The following PCCB variants were observed in gnomAD, a reference collection of about 807,000 sequenced individuals.
PCCB encodes the protein propionyl-CoA carboxylase beta chain, mitochondrial.
In PCCB, 43 loss-of-function variants were observed where a neutral mutation model predicts 60.7. The observed-to-expected ratio is 0.71, with a 90% CI of 0.55 to 0.91. PCCB has a LOEUF of 0.91. Ranked by LOEUF, PCCB falls within the 40% of genes least tolerant of loss-of-function variation. PCCB has a pLI of 0.00. For synonymous variants in PCCB, 276 were observed against 255.9 expected (o/e 1.08, Z -0.75); for missense variants, 766 against 702.8 (o/e 1.09, Z -1.02).
chr3:136,302,774 T>A (rs1455424450), intron 9 of PCCB, among the ~76,000 whole-genome samples: 2 of 115,178 alleles, frequency 1.7e-5, no homozygotes, highest in African/African-American at 5.1e-5. Context: ...AATGTGGTTG[T>A]ATACTGTCTA....
intron 8 of PCCB, among the ~76,000 whole-genome samples, chr3:136,299,646 ATATGCATGTG>A (rs1934131564): frequency 1.8e-5 from 2 of 108,656 alleles, no homozygotes; most frequent in Admixed American, 8.7e-5. Context: ...GTATGTATGT[ATATGCATGTG>A]TATGTATAGG....
In PCCB at chr3:136,290,688, T is replaced by TTTTTTTTTTTG. The variant is rs1553778407; in HGVS notation, c.655-3068_655-3067insTTTTTTTTTTG. Among the ~76,000 whole-genome samples the TTTTTTTTTTTG allele has an allele frequency of 4.8e-4, 70 of 146,280 alleles. 1 individual carries two copies. Among genetic ancestry groups the TTTTTTTTTTTG allele is most frequent in the Non-Finnish European group, 8.1e-4 (54 of 66,698 alleles). On this transcript the variant is annotated intron_variant, in intron 6 of 14. Transcript: ENST00000251654. ...TCTGTGTAGTTTTTTTTTTTTTTTT[T>TTTTTTTTTTTG]GTCATTCATCTTGCTTGATGGTCTC...
chr3:136,328,656 G>GAT, intron 13 of PCCB, 102 bp from the exon 14 acceptor site: 1 of 914,680 alleles, frequency 1.1e-6, no homozygotes, highest in Non-Finnish European at 1.8e-6. Context: ...TCAGTACACT[G>GAT]ATTTACCAAG....
chr3:136,272,453 T>TA (rs1189056737), intron 5 of PCCB, among the ~76,000 whole-genome samples: 35 of 152,164 alleles, frequency 2.3e-4, no homozygotes, highest in African/African-American at 7.7e-4. Flanking sequence ...TTTGAATATC[T>TA]AGTGGAATTC....
At chr3:136,283,781 A>G in intron 5 of PCCB, 56 bp from the exon 6 acceptor site, 1 of 1,200,686 alleles carries the variant, frequency 8.3e-7, no homozygotes, top group South Asian at 1.2e-5. Context: ...ATCTTTCCAC[A>G]GATAATGCCT....
At chr3:136,298,159 T>A in intron 8 of PCCB, 87 bp downstream of exon 8, 1 of 1,557,246 alleles carries the variant, frequency 6.4e-7, no homozygotes. Flanking sequence ...GTCTGCCTTG[T>A]TGGGCAAGTT....
chr3:136,283,759 A>G, intron 5 of PCCB, 78 bp from the exon 6 acceptor site: 1 of 1,011,616 alleles, frequency 9.9e-7, no homozygotes, highest in Non-Finnish European at 1.6e-6. Flanking sequence ...ATGTTATCTT[A>G]TTGTTGTCTT....
intron 10 of PCCB, among the ~76,000 whole-genome samples, chr3:136,318,486 A>G (rs747446469): frequency 1.3e-5 from 2 of 152,238 alleles, no homozygotes; most frequent in East Asian, 1.9e-4. Context: ...AGTGTATGCA[A>G]CCATCACCAC....
At chr3:136,272,264 G>T (rs1376507517) in intron 5 of PCCB, among the ~76,000 whole-genome samples, 1 of 152,102 alleles carries the variant, frequency 6.6e-6, no homozygotes, top group Non-Finnish European at 1.5e-5. Context: ...TGGTTAGCTA[G>T]TATTTTGTTG....
intron 4 of PCCB, 152 bp from the exon 5 acceptor site, chr3:136,261,800 C>T (rs1941833552): frequency 3.0e-6 from 2 of 664,968 alleles, no homozygotes; most frequent in African/African-American, 1.8e-5. Context: ...ATGAAGGTAC[C>T]CAATCGTGAT....
chr3:136,277,919 A>G (rs930689966), intron 5 of PCCB, among the ~76,000 whole-genome samples: 6 of 152,144 alleles, frequency 3.9e-5, no homozygotes, highest in Admixed American at 2.6e-4. Flanking sequence ...TGGCTCCTGC[A>G]CTTGTGGCTG....
chr3:136,291,133 C>T (rs1933670000), intron 6 of PCCB, among the ~76,000 whole-genome samples: 1 of 152,078 alleles, frequency 6.6e-6, no homozygotes, highest in East Asian at 1.9e-4. Context: ...AGCCCTTAAA[C>T]CATTTTGTTT....
intron 5 of PCCB, among the ~76,000 whole-genome samples, chr3:136,282,498 A>G (rs1043069731): frequency 2.0e-5 from 3 of 152,148 alleles, no homozygotes; most frequent in South Asian, 2.1e-4. Flanking sequence ...AAGGGTTACT[A>G]TATATCTCTT....
chr3:136,300,289 C>T (rs1027711833), intron 8 of PCCB, among the ~76,000 whole-genome samples: 7 of 152,186 alleles, frequency 4.6e-5, no homozygotes, highest in Admixed American at 3.9e-4. Flanking sequence ...GGACACATGG[C>T]CTGACCCAAG....
intron 1 of PCCB, chr3:136,251,153 G>A: frequency 2.2e-6 from 1 of 452,130 alleles, no homozygotes; most frequent in Non-Finnish European, 4.5e-6. Flanking sequence ...TCGGAAGCAG[G>A]TGGCCTTTCT....
chr3:136,311,806 C>T (rs555305514), intron 9 of PCCB, among the ~76,000 whole-genome samples: 1 of 152,124 alleles, frequency 6.6e-6, no homozygotes, highest in Non-Finnish European at 1.5e-5. Flanking sequence ...CAAAACAAAA[C>T]ATTAAAATAG....
At chr3:136,321,630 C>T (rs1377772374) in intron 10 of PCCB, among the ~76,000 whole-genome samples, 2 of 152,202 alleles carry the variant, frequency 1.3e-5, no homozygotes, top group Non-Finnish European at 2.9e-5. Flanking sequence ...ATGATCCAGT[C>T]ACCTCCCTCC....
intron 5 of PCCB, among the ~76,000 whole-genome samples, chr3:136,274,258 T>C (rs1309785941): frequency 2.0e-5 from 3 of 152,120 alleles, no homozygotes; most frequent in Non-Finnish European, 2.9e-5. Flanking sequence ...TTTATTTTGG[T>C]GCATATTGAG....
rs368495699 is a variant in PCCB, at chr3:136,323,641, C to T, written c.1091-3162C>T. Among the ~76,000 whole-genome samples the T allele has an allele frequency of 2.0e-4, 31 of 151,972 alleles. No homozygotes were observed. In the South Asian group the frequency reaches 5.0e-3, roughly 24 times the overall value. ...CCTACTAAAAATACAAAAAATGAGCCGGACGTGGCAGAGGGTGCCTGTAGT... is the reference window on the plus strand; with the variant it reads ...CCTACTAAAAATACAAAAAATGAGCTGGACGTGGCAGAGGGTGCCTGTAGT... On this transcript the variant is annotated intron_variant, in intron 10 of 14. Coordinates refer to ENST00000251654, the MANE Select transcript of PCCB (RefSeq NM_000532.5).
Sources: allele counts gnomAD v4.1 joint callset (sites outside exome capture counted in the v4.1 genomes callset), GRCh38; gene constraint gnomAD v4.1.1; transcripts MANE v1.5; gene names NCBI Gene and HGNC (gene_info 2026-07-23, HGNC 2026-07-21).